RIMS2: variants seen among roughly 807,000 people sequenced by gnomAD.
The protein encoded by RIMS2 is regulating synaptic membrane exocytosis 2.
RIMS2 carries 59 observed loss-of-function variants against 174.4 expected under a neutral mutation model. The observed-to-expected ratio is 0.34, with a 90% confidence interval of 0.27 to 0.42. The LOEUF is 0.42. Among genes scored for constraint, RIMS2 ranks in the 10% least tolerant of loss-of-function variants. The pLI is 1.00. For missense variants in RIMS2, 1,620 were observed against 1,666.3 expected (o/e 0.97, Z 0.48); for synonymous variants, 606 against 572.5 (o/e 1.06, Z -0.84).
At chr8:104,179,209 A>T (rs191274831) in intron 19 of RIMS2, among the ~76,000 whole-genome samples, 3 of 152,192 alleles carry the variant, frequency 2.0e-5, no homozygotes, top group African/African-American at 4.8e-5. Context: ...GATGTCTCCT[A>T]TGAATTAAGA....
intron 19 of RIMS2, among the ~76,000 whole-genome samples, chr8:104,052,961 G>A (rs2096811298): frequency 6.6e-6 from 1 of 152,170 alleles, no homozygotes; most frequent in South Asian, 2.1e-4. Flanking sequence ...TGAACTGAGA[G>A]AAAAGTACAG....
intron 19 of RIMS2, among the ~76,000 whole-genome samples, chr8:104,037,857 A>G (rs980854601): frequency 6.6e-6 from 1 of 152,144 alleles, no homozygotes; most frequent in African/African-American, 2.4e-5. Context: ...CAGTTCAGTC[A>G]AGGATGGATG....
At chr8:103,759,282 A>G (rs1276932958) in intron 2 of RIMS2, among the ~76,000 whole-genome samples, 1 of 152,118 alleles carries the variant, frequency 6.6e-6, no homozygotes, top group Non-Finnish European at 1.5e-5. Context: ...AAAGGCCAAG[A>G]AGGACAGGTG....
chr8:103,795,988 C>G (rs142208660), intron 3 of RIMS2, among the ~76,000 whole-genome samples: 1 of 152,284 alleles, frequency 6.6e-6, no homozygotes, highest in Non-Finnish European at 1.5e-5. Flanking sequence ...ATTGCACCAT[C>G]AATCATTCTT....
chr8:103,643,004 G>A (rs2096260290), intron 1 of RIMS2, among the ~76,000 whole-genome samples: 1 of 151,754 alleles, frequency 6.6e-6, no homozygotes, highest in Admixed American at 6.6e-5. Context: ...TATTTCCTTT[G>A]TTCCTTTCTT....
intron 1 of RIMS2, among the ~76,000 whole-genome samples, chr8:103,586,713 A>G (rs1411819111): frequency 6.6e-6 from 1 of 152,078 alleles, no homozygotes; most frequent in Non-Finnish European, 1.5e-5. Context: ...TGAACCCAAA[A>G]TTTGTAGAAG....
At chr8:104,124,616 T>G (rs1390485032) in intron 19 of RIMS2, among the ~76,000 whole-genome samples, 1 of 152,120 alleles carries the variant, frequency 6.6e-6, no homozygotes, top group African/African-American at 2.4e-5. Flanking sequence ...GCTCTTCAAG[T>G]GGTTGTGGTG....
At chr8:103,599,201 T>A (rs1181067154) in intron 1 of RIMS2, among the ~76,000 whole-genome samples, 2 of 151,802 alleles carry the variant, frequency 1.3e-5, no homozygotes, top group East Asian at 1.9e-4. Flanking sequence ...TCATCTGTAT[T>A]TGGATTTTAT....
chr8:104,123,592 C>G (rs2098403412), intron 19 of RIMS2, among the ~76,000 whole-genome samples: 1 of 150,850 alleles, frequency 6.6e-6, no homozygotes, highest in South Asian at 2.1e-4. Flanking sequence ...TCTGTTATTT[C>G]TTAAATATGT....
At chr8:103,861,168 T>C (rs917989236) in intron 3 of RIMS2, among the ~76,000 whole-genome samples, 1 of 146,794 alleles carries the variant, frequency 6.8e-6, no homozygotes, top group African/African-American at 2.5e-5. Flanking sequence ...GTTTATTGTT[T>C]CTATTTTTAT....
intron 19 of RIMS2, among the ~76,000 whole-genome samples, chr8:104,072,716 A>G (rs1260749310): frequency 6.6e-6 from 1 of 152,094 alleles, no homozygotes; most frequent in African/African-American, 2.4e-5. Flanking sequence ...ATTTCTCAAG[A>G]CTTCTGCATT....
intron 2 of RIMS2, among the ~76,000 whole-genome samples, chr8:103,699,386 C>T (rs1015609990): frequency 2.0e-5 from 3 of 151,842 alleles, no homozygotes; most frequent in African/African-American, 7.3e-5. Context: ...GCCACCATGC[C>T]CTGCTAATTT....
chr8:104,179,121 G>T (rs1347664110), intron 19 of RIMS2, among the ~76,000 whole-genome samples: 2 of 151,896 alleles, frequency 1.3e-5, no homozygotes, highest in Admixed American at 1.3e-4. Context: ...TTTATTTTTT[G>T]TCTGTAAGTC....
At chr8:103,542,840 T>G (rs1200892542) in intron 1 of RIMS2, among the ~76,000 whole-genome samples, 3 of 152,118 alleles carry the variant, frequency 2.0e-5, no homozygotes, top group Non-Finnish European at 4.4e-5. Context: ...ATAAATAAAC[T>G]TCTAAAAAGT....
chr8:103,884,472 C>T (rs1053268255), intron 3 of RIMS2, among the ~76,000 whole-genome samples: 7 of 151,756 alleles, frequency 4.6e-5, no homozygotes, highest in Non-Finnish European at 1.0e-4. Context: ...GGTATCATGT[C>T]TTATTGCAAG....
At chr8:103,545,132 G>T (rs950420433) in intron 1 of RIMS2, among the ~76,000 whole-genome samples, 1 of 152,114 alleles carries the variant, frequency 6.6e-6, no homozygotes, top group African/African-American at 2.4e-5. Flanking sequence ...TCAATCCAAA[G>T]AATCTAGGAA....
chr8:103,875,804 T>A (rs2099133541), intron 3 of RIMS2, among the ~76,000 whole-genome samples: 2 of 152,020 alleles, frequency 1.3e-5, no homozygotes, highest in Admixed American at 6.6e-5. Context: ...ATGGCCATTC[T>A]TGACTGGGGT....
chr8:104,004,521 A>T (rs1303077752), intron 17 of RIMS2, among the ~76,000 whole-genome samples: 1 of 152,164 alleles, frequency 6.6e-6, no homozygotes, highest in African/African-American at 2.4e-5. Flanking sequence ...AGGGGGGAAA[A>T]AACAGGTTGC....
At chr8:103,918,709 T>G (rs2077069461) in intron 9 of RIMS2, 1 of 504,872 alleles carries the variant, frequency 2.0e-6, no homozygotes, top group South Asian at 2.7e-5. Context: ...TATTACAGAT[T>G]TTTAGATAGC....
Sources: gnomAD v4.1 joint callset for allele counts (sites outside exome capture counted in the v4.1 genomes callset) on GRCh38, gnomAD v4.1.1 for gene constraint, MANE v1.5 for transcripts, NCBI Gene and HGNC (gene_info 2026-07-23, HGNC 2026-07-21) for gene names.